TIGD1: variants seen among roughly 807,000 people sequenced by gnomAD.
TIGD1 encodes the protein tigger transposable element-derived protein 1.
A neutral mutation model predicts 21.3 loss-of-function variants in TIGD1; 20 were observed. That is an observed-to-expected ratio of 0.94 (90% CI 0.66 to 1.36). The LOEUF is 1.36. Among genes scored for constraint, TIGD1 ranks in the 40% most tolerant of loss-of-function variants. The probability of loss-of-function intolerance (pLI) is 0.00; values close to 1 mark genes in which losing one functional copy is unlikely to be tolerated. For missense variants in TIGD1, 556 were observed against 350.5 expected, an observed-to-expected ratio of 1.59 and a Z score of -4.68; for synonymous variants, 177 against 123.2, an observed-to-expected ratio of 1.44 and a Z score of -2.89.
chr2:232,547,923 A>G lies in TIGD1; in HGVS notation c.*184T>C. On this transcript the variant is annotated 3_prime_UTR_variant, in exon 1 of 1. Transcript: ENST00000408957. ...GTAGGTCGAGGCATACCTCAAAGAC[A>G]TTGCAGGTTCAGTTCCAGACCAACA... 1 of 441,716 alleles carries G rather than the reference A, an allele frequency of 2.3e-6. No individual in the cohort carries two copies. Among genetic ancestry groups the G allele is most frequent in the Non-Finnish European group, 4.0e-6 (1 of 253,134 alleles). 27.4% of individuals were successfully genotyped at this position (441,716 alleles called of 1,614,324 possible).
Position 232,545,092 on chromosome 2 carries a change from T to G in TIGD1, c.*3015A>C, listed in dbSNP as rs1216834957. Among the ~76,000 whole-genome samples the G allele has an allele frequency of 6.6e-6, 1 of 151,280 alleles. No homozygotes were observed. Among genetic ancestry groups the G allele is most frequent in the African/African-American group, 2.4e-5 (1 of 41,184 alleles). ...CGAGTGGATCACCTGAGGTCAGGAGTTTGAGACCAGCCTGGCCAACATGGC... is the reference window on the plus strand; with the variant it reads ...CGAGTGGATCACCTGAGGTCAGGAGGTTGAGACCAGCCTGGCCAACATGGC... On this transcript the variant is annotated 3_prime_UTR_variant, in exon 1 of 1. Transcript: ENST00000408957.
Position 232,544,497 on chromosome 2 carries a change from T to C in TIGD1, c.*3610A>G, listed in dbSNP as rs754416840. 1 of 1,613,524 alleles carries C rather than the reference T, an allele frequency of 6.2e-7. No homozygotes were observed. Among genetic ancestry groups the C allele is most frequent in the East Asian group, 2.2e-5 (1 of 44,860 alleles). On this transcript the variant is annotated 3_prime_UTR_variant, in exon 1 of 1. Transcript: ENST00000408957. ...TGGTCGATCACAACTGGGGAGGAGG[T>C]GGCCCTCTGCCTGCCTCGCAGTGAA...
At position 232,544,680 on chromosome 2, in the gene TIGD1, G is replaced by C. The variant is rs1692090886; in HGVS notation, c.*3427C>G. 1.9e-6 allele frequency: 3 copies of C among 1,570,386 alleles called. No individual in the cohort carries two copies. Among genetic ancestry groups the C allele is most frequent in the African/African-American group, 2.7e-5 (2 of 74,060 alleles). On this transcript the variant is annotated 3_prime_UTR_variant, in exon 1 of 1. Transcript: ENST00000408957. Reference sequence around the variant, plus strand: ...GTGCTGGAGAAGTGCCCAGGTCAGGGAGAGAGGAGCTGGGGTCCCTAAGGA... The same window carrying C: ...GTGCTGGAGAAGTGCCCAGGTCAGGCAGAGAGGAGCTGGGGTCCCTAAGGA...
chr2:232,549,813 T>A lies in TIGD1; in HGVS notation c.70A>T (p.Ile24Phe). ...GACATACCTTCCTCACTCAGTTTAA[T>A]CATTTCTAGTTTTTGATTTAAAGTG... ...SLTLNQKLEM[I>F]KLSEEGMSKA... is the part of the protein sequence containing the mutation. The change falls in exon 1 of 1, where the codon ATT becomes TTT. Residue 24 changes from isoleucine (I) to phenylalanine (F), a missense_variant. Coordinates refer to ENST00000408957, the MANE Select transcript of TIGD1 (RefSeq NM_145702.4). The A allele has an allele frequency of 6.5e-7, 1 of 1,546,068 alleles. No individual in the cohort carries two copies. Among genetic ancestry groups the A allele is most frequent in the Non-Finnish European group, 8.7e-7 (1 of 1,144,466 alleles).
Position 232,545,664 on chromosome 2 carries a change from C to G in TIGD1, c.*2443G>C. On this transcript the variant is annotated 3_prime_UTR_variant, in exon 1 of 1. Coordinates refer to ENST00000408957, the MANE Select transcript of TIGD1 (RefSeq NM_145702.4). ...CTCATGGCCCACTACAACCGGGTGCCGGCCCTGCCATTCCCTGGAGATCCA... is the reference window on the plus strand; with the variant it reads ...CTCATGGCCCACTACAACCGGGTGCGGGCCCTGCCATTCCCTGGAGATCCA... 6.2e-7 allele frequency: 1 copy of G among 1,614,142 alleles called. No individual in the cohort carries two copies. The highest frequency in any genetic ancestry group is 8.5e-7 in the Non-Finnish European group (1 of 1,180,032).
rs1160281060 is a variant in TIGD1, at chr2:232,549,123, T to G, written c.760A>C (p.Thr254Pro). The change falls in exon 1 of 1, where the codon ACT becomes CCT. Residue 254 changes from threonine (T) to proline (P), a missense_variant. Coordinates refer to ENST00000408957, the MANE Select transcript of TIGD1 (RefSeq NM_145702.4). ...PRALKNYTKS[T>P]LPVLYKWNSK... is the part of the protein sequence containing the mutation. ...TTCCATTTATATAGCACGGGTAGAG[T>G]AGATTTAGTATAATTCTTAAGGGCC... 5 of 715,950 alleles carry G rather than the reference T, an allele frequency of 7.0e-6. No homozygotes were observed. The highest frequency in any genetic ancestry group is 5.9e-5 in the South Asian group (4 of 67,416). The allele number at this position is 715,950 out of a possible 1,614,324, so 44.3% of individuals were successfully genotyped here. A position where few individuals can be genotyped will look rare whatever the true frequency, so the allele number is the denominator to read the frequency against.
rs57021172 is a variant in TIGD1, at chr2:232,546,308, C to CTTTTTTTTTTTTT, written c.*1786_*1798dup. ...ACGATTTCCTGAGTTTTGTAATCCT[C>CTTTTTTTTTTTTT]TTTTTTTTTTTTTTTTTTTTAGTTT... is the stretch of plus-strand genomic sequence containing the variant. On this transcript the variant is annotated 3_prime_UTR_variant, in exon 1 of 1. Transcript: ENST00000408957. 1 of 94,708 alleles carries CTTTTTTTTTTTTT rather than the reference C, an allele frequency of 1.1e-5. No individual in the cohort carries two copies. The highest frequency in any genetic ancestry group is 3.8e-5 in the African/African-American group (1 of 26,116). The allele number at this position is 94,708 out of a possible 1,614,324, so 5.9% of individuals were successfully genotyped here. A position where few individuals can be genotyped will look rare whatever the true frequency, so the allele number is the denominator to read the frequency against.
rs545336745 is a variant in TIGD1, at chr2:232,544,087, C to T, written c.*4020G>A. Among the ~76,000 whole-genome samples, 1 of 152,300 alleles carries T rather than the reference C, an allele frequency of 6.6e-6. No individual in the cohort carries two copies. The highest frequency in any genetic ancestry group is 1.9e-4 in the East Asian group (1 of 5,170). On this transcript the variant is annotated 3_prime_UTR_variant, in exon 1 of 1. Transcript: ENST00000408957. ...CAGCCTTCAGCTTGGGCCCTTGTTG[C>T]ACATGCAGATTCCCAGGCCTGTCCC... is the stretch of plus-strand genomic sequence containing the variant.
Position 232,547,904 on chromosome 2 carries a change from C to T in TIGD1, c.*203G>A, listed in dbSNP as rs567212547. On this transcript the variant is annotated 3_prime_UTR_variant, in exon 1 of 1. Coordinates refer to ENST00000408957, the MANE Select transcript of TIGD1 (RefSeq NM_145702.4). ...CATACAGCAACCTAAGGAGGTAGGTCGAGGCATACCTCAAAGACATTGCAG... is the reference window on the plus strand; with the variant it reads ...CATACAGCAACCTAAGGAGGTAGGTTGAGGCATACCTCAAAGACATTGCAG... The T allele has an allele frequency of 3.6e-5, 15 of 419,834 alleles. No homozygotes were observed. The highest frequency in any genetic ancestry group is 1.7e-4 in the Admixed American group (4 of 23,016). The allele number at this position is 419,834 out of a possible 1,614,324, so 26.0% of individuals were successfully genotyped here. A position where few individuals can be genotyped will look rare whatever the true frequency, so the allele number is the denominator to read the frequency against.
At position 232,546,845 on chromosome 2, in the gene TIGD1, A is replaced by G. The variant is rs1170783121; in HGVS notation, c.*1262T>C. On this transcript the variant is annotated 3_prime_UTR_variant, in exon 1 of 1. Coordinates refer to ENST00000408957, the MANE Select transcript of TIGD1 (RefSeq NM_145702.4). ...AAAAACAGGCCCTTCTTCCCAAAGG[A>G]TGGTTAAGACAAGGAAGAGCTAGGC... Among the ~76,000 whole-genome samples the G allele has an allele frequency of 6.6e-6, 1 of 152,106 alleles. No homozygotes were observed. The highest frequency in any genetic ancestry group is 1.5e-5 in the Non-Finnish European group (1 of 68,026).
Position 232,546,495 on chromosome 2 carries a change from GCAC to G in TIGD1, c.*1609_*1611del, listed in dbSNP as rs1284960717. 2.0e-5 allele frequency: 3 copies of G among 152,786 alleles called. No homozygotes were observed. Among genetic ancestry groups the G allele is most frequent in the Admixed American group, 2.0e-4 (3 of 15,360 alleles). 9.5% of individuals were successfully genotyped at this position (152,786 alleles called of 1,614,324 possible). ...CCCAAGTAGCTGGCACCACAGGCAT[GCAC>G]CACTACACCCAGCTACTTTTAAATT... On this transcript the variant is annotated 3_prime_UTR_variant, in exon 1 of 1. Transcript: ENST00000408957.
rs1438583895 is a variant in TIGD1 at position 232,548,704 on chromosome 2, C to T, written c.1179G>A (p.Glu393=). 4.1e-6 allele frequency: 2 copies of T among 486,708 alleles called. No homozygotes were observed. The highest frequency in any genetic ancestry group is 1.9e-5 in the African/African-American group (1 of 52,158). 30.1% of individuals were successfully genotyped at this position (486,708 alleles called of 1,614,324 possible). ...AIKNIRDSWE[E]VKLSTLTGVW... is the part of the protein sequence containing the mutation. ...CTCCTGTTAATGTTGACAATTTGAC[C>T]TCCTCCCATGAATCACGAATGTTTT... is the stretch of plus-strand genomic sequence containing the variant. Residue 393 remains glutamate (E), a synonymous_variant, in exon 1 of 1, where the codon GAG becomes GAA. Coordinates refer to ENST00000408957, the MANE Select transcript of TIGD1 (RefSeq NM_145702.4).
At position 232,545,769 on chromosome 2, in the gene TIGD1, G is replaced by A; in HGVS notation, c.*2338C>T. 6.3e-7 allele frequency: 1 copy of A among 1,591,976 alleles called. No homozygotes were observed. Among genetic ancestry groups the A allele is most frequent in the Non-Finnish European group, 8.6e-7 (1 of 1,161,052 alleles). ...GAGTCACACACGTGGGTCACACTGA[G>A]TCTTATCAGCCACGTTCTCCTACTG... On this transcript the variant is annotated 3_prime_UTR_variant, in exon 1 of 1. Transcript: ENST00000408957.
rs1301474619 is a variant in TIGD1, at chr2:232,546,682, G to T, written c.*1425C>A. On this transcript the variant is annotated 3_prime_UTR_variant, in exon 1 of 1. Transcript: ENST00000408957. ...CTCACAGCAGTATGGATAAGCAAGA[G>T]TCATTATTCCCCATGTTATATAGGC... is the stretch of plus-strand genomic sequence containing the variant. Among the ~76,000 whole-genome samples the T allele has an allele frequency of 6.6e-6, 1 of 151,994 alleles. No homozygotes were observed. The highest frequency in any genetic ancestry group is 6.6e-5 in the Admixed American group (1 of 15,254).
rs140875617 is a variant in TIGD1, at chr2:232,544,410, G to A, written c.*3697C>T. 74 of 1,613,426 alleles carry A rather than the reference G, an allele frequency of 4.6e-5. No individual in the cohort carries two copies. The highest frequency in any genetic ancestry group is 1.1e-4 in the African/African-American group (8 of 75,002). ...CCCCAGCTGCTGAGGATGCACGTTCGCCCGCTGGCCCCGGCAGCTGTGCAG... is the reference window on the plus strand; with the variant it reads ...CCCCAGCTGCTGAGGATGCACGTTCACCCGCTGGCCCCGGCAGCTGTGCAG... On this transcript the variant is annotated 3_prime_UTR_variant, in exon 1 of 1. Coordinates refer to ENST00000408957, the MANE Select transcript of TIGD1 (RefSeq NM_145702.4).
chr2:232,545,709 C>G lies in TIGD1; in HGVS notation c.*2398G>C. On this transcript the variant is annotated 3_prime_UTR_variant, in exon 1 of 1. Coordinates refer to ENST00000408957, the MANE Select transcript of TIGD1 (RefSeq NM_145702.4). ...GATCCACGCCCCTACCTGCCCTCAC[C>G]AGACTGAGCCAACCAACCACTGTGG... 6.2e-7 allele frequency: 1 copy of G among 1,614,158 alleles called. No individual in the cohort carries two copies. Among genetic ancestry groups the G allele is most frequent in the East Asian group, 2.2e-5 (1 of 44,886 alleles).
In TIGD1 at chr2:232,545,535, A is replaced by C. The variant is rs1692113643; in HGVS notation, c.*2572T>G. 4 of 1,612,900 alleles carry C rather than the reference A, an allele frequency of 2.5e-6. No individual in the cohort carries two copies. Among genetic ancestry groups the C allele is most frequent in the Non-Finnish European group, 3.4e-6 (4 of 1,179,688 alleles). ...GCTGGTTATCCCACACCTGCCTCCC[A>C]CCCTCAGGGGAATGAGGAGTGGTTC... On this transcript the variant is annotated 3_prime_UTR_variant, in exon 1 of 1. Transcript: ENST00000408957.
rs1692131893 is a variant in TIGD1 at position 232,546,227 on chromosome 2, TCAA to T, written c.*1877_*1879del. ...TCTGGGTACAATAAGCACCCAATTCTCAACAGCCCCAGTGGCCTTTCCATTCAT... is the reference window on the plus strand; with the variant it reads ...TCTGGGTACAATAAGCACCCAATTCTCAGCCCCAGTGGCCTTTCCATTCAT... On this transcript the variant is annotated 3_prime_UTR_variant, in exon 1 of 1. Coordinates refer to ENST00000408957, the MANE Select transcript of TIGD1 (RefSeq NM_145702.4). The T allele has an allele frequency of 5.8e-6, 1 of 171,174 alleles. No homozygotes were observed. The highest frequency in any genetic ancestry group is 2.4e-5 in the African/African-American group (1 of 41,878). 10.6% of individuals were successfully genotyped at this position (171,174 alleles called of 1,614,324 possible). A position where few individuals can be genotyped will look rare whatever the true frequency, so the allele number is the denominator to read the frequency against.
rs376687635 is a variant in TIGD1 at position 232,548,182 on chromosome 2, G to A, written c.1701C>T (p.Thr567=). 1.3e-6 allele frequency: 2 copies of A among 1,517,154 alleles called. No individual in the cohort carries two copies. Among genetic ancestry groups the A allele is most frequent in the African/African-American group, 2.8e-5 (2 of 72,512 alleles). 94.0% of individuals were successfully genotyped at this position (1,517,154 alleles called of 1,614,324 possible). The change falls in exon 1 of 1, where the codon ACC becomes ACT. Residue 567 remains threonine, a synonymous_variant. Transcript: ENST00000408957. ...PPQPSAATTL[T]SQQPSTSRQD... ...GCCTCGAGGTTGATGGTTGCTGACT[G>A]GTCAGGGTGGTGGCTGCTGAAGGTT...
Sources: allele counts gnomAD v4.1 joint callset (sites outside exome capture counted in the v4.1 genomes callset), GRCh38; gene constraint gnomAD v4.1.1; transcripts MANE v1.5; gene names NCBI Gene and HGNC (gene_info 2026-07-23, HGNC 2026-07-21).